The following DAB1 variants were observed in gnomAD, a reference collection of about 807,000 sequenced individuals.
DAB1 encodes the protein disabled homolog 1.
DAB1 carries 15 observed loss-of-function variants against 64.6 expected under a neutral mutation model. The ratio of observed to expected loss-of-function variants is 0.23; its 90% CI spans 0.16 to 0.36. DAB1 has a LOEUF of 0.36. Among genes scored for constraint, DAB1 ranks in the 10% least tolerant of loss-of-function variants. The pLI is 1.00. For synonymous variants in DAB1, 235 were observed against 251.9 expected (o/e 0.93, Z 0.64); for missense variants, 596 against 706.7 (o/e 0.84, Z 1.78).
At chr1:57,245,780 C>G (rs1668825076) in intron 2 of DAB1, among the ~76,000 whole-genome samples, 1 of 152,156 alleles carries the variant, frequency 6.6e-6, no homozygotes, top group African/African-American at 2.4e-5. Context: ...GATTTATAAT[C>G]CTTTGGGTAT....
chr1:57,357,483 T>A (rs1430088595), intron 1 of DAB1, among the ~76,000 whole-genome samples: 1 of 151,776 alleles, frequency 6.6e-6, no homozygotes, highest in African/African-American at 2.4e-5. Flanking sequence ...TTATCACTGA[T>A]TTATGGTTTT....
intron 7 of DAB1, among the ~76,000 whole-genome samples, chr1:57,609,071 C>T (rs1645694318): frequency 6.6e-6 from 1 of 152,146 alleles, no homozygotes; most frequent in Non-Finnish European, 1.5e-5. Flanking sequence ...CTCCCTCTGA[C>T]CTTATATCAA....
At chr1:58,266,379 G>A (rs1362568135) in intron 4 of DAB1, among the ~76,000 whole-genome samples, 2 of 152,088 alleles carry the variant, frequency 1.3e-5, no homozygotes, top group African/African-American at 2.4e-5. Flanking sequence ...TCTCCTTCAC[G>A]CTTCTCTCTG....
intron 7 of DAB1, among the ~76,000 whole-genome samples, chr1:57,452,834 A>G (rs1476926010): frequency 6.6e-6 from 1 of 151,958 alleles, no homozygotes; most frequent in Non-Finnish European, 1.5e-5. Flanking sequence ...GTAGGCACTC[A>G]GTAGATGTGG....
intron 7 of DAB1, among the ~76,000 whole-genome samples, chr1:57,550,609 G>A (rs1186117267): frequency 2.0e-5 from 3 of 147,336 alleles, no homozygotes; most frequent in African/African-American, 2.5e-5. Context: ...TATCCATCCC[G>A]CCATCCATCC....
intron 7 of DAB1, among the ~76,000 whole-genome samples, chr1:57,586,436 C>T (rs943060984): frequency 6.6e-6 from 1 of 151,526 alleles, no homozygotes; most frequent in Non-Finnish European, 1.5e-5. Flanking sequence ...ACACATTTGT[C>T]TTTTCTCTTT....
chr1:57,511,142 C>A (rs1239138687), intron 7 of DAB1, among the ~76,000 whole-genome samples: 1 of 152,018 alleles, frequency 6.6e-6, no homozygotes, highest in East Asian at 1.9e-4. Context: ...TACTCTAGAC[C>A]CTCTAAAATC....
chr1:57,465,352 A>G lies in DAB1; in HGVS notation n.626-174186T>C, dbSNP rs116112384. 4.1e-3 allele frequency among the ~76,000 whole-genome samples: 624 copies of G among 152,314 alleles called. 11 individuals are homozygous for G. Among genetic ancestry groups the G allele is most frequent in the African/African-American group, 0.014 (597 of 41,554 alleles). ...TTTGGTCATCTGTGCTAGATTTTTC[A>G]GGGCAAAAACTTTGTTTGATTTTCC... On this transcript the variant is annotated intron_variant and non_coding_transcript_variant, in intron 7 of 20. Transcript: ENST00000485760.
chr1:57,033,888 A>G (rs1647042799), intron 9 of DAB1, among the ~76,000 whole-genome samples: 1 of 152,110 alleles, frequency 6.6e-6, no homozygotes, highest in Non-Finnish European at 1.5e-5. Context: ...TACACCTGAG[A>G]TTTTTCTTTT....
At chr1:57,796,868 G>A (rs939570428) in intron 6 of DAB1, among the ~76,000 whole-genome samples, 3 of 152,126 alleles carry the variant, frequency 2.0e-5, no homozygotes, top group Non-Finnish European at 2.9e-5. Flanking sequence ...CCACATCTGC[G>A]TCATATCCTG....
chr1:57,334,612 G>A (rs1413692485), intron 1 of DAB1, among the ~76,000 whole-genome samples: 1 of 152,142 alleles, frequency 6.6e-6, no homozygotes, highest in Non-Finnish European at 1.5e-5. Flanking sequence ...TGTGAGGAAG[G>A]CGCTATTAAT....
intron 7 of DAB1, among the ~76,000 whole-genome samples, chr1:57,555,611 C>G (rs978320941): frequency 1.3e-5 from 2 of 152,128 alleles, no homozygotes; most frequent in Admixed American, 6.5e-5. Context: ...TGTGCTCACT[C>G]TGGGCTCAGA....
chr1:57,648,096 T>C (rs988343570), intron 7 of DAB1, among the ~76,000 whole-genome samples: 1 of 152,174 alleles, frequency 6.6e-6, no homozygotes, highest in Non-Finnish European at 1.5e-5. Context: ...TAATTTGTCT[T>C]CCCAAATTCA....
chr1:57,568,061 C>T (rs1291239048), intron 7 of DAB1, among the ~76,000 whole-genome samples: 1 of 152,176 alleles, frequency 6.6e-6, no homozygotes, highest in Non-Finnish European at 1.5e-5. Flanking sequence ...CAGCATGGTA[C>T]TGGTACCAAA....
intron 1 of DAB1, among the ~76,000 whole-genome samples, chr1:57,321,112 T>A (rs1675680856): frequency 6.6e-6 from 1 of 152,202 alleles, no homozygotes; most frequent in African/African-American, 2.4e-5. Context: ...GGAGTAGCAA[T>A]GTCCAGGTAT....
At chr1:57,329,503 T>C (rs1174400569) in intron 1 of DAB1, among the ~76,000 whole-genome samples, 1 of 152,006 alleles carries the variant, frequency 6.6e-6, no homozygotes, top group Non-Finnish European at 1.5e-5. Context: ...TAAACAGTAA[T>C]TCTAATTATG....
intron 1 of DAB1, among the ~76,000 whole-genome samples, chr1:57,399,346 C>T (rs1461783111): frequency 6.6e-6 from 1 of 152,156 alleles, no homozygotes; most frequent in Admixed American, 6.5e-5. Flanking sequence ...AAGACCATAA[C>T]ATGATAGATG....
At chr1:58,511,300 A>G (rs1646073018) in intron 2 of DAB1, among the ~76,000 whole-genome samples, 4 of 152,192 alleles carry the variant, frequency 2.6e-5, no homozygotes, top group Admixed American at 2.6e-4. Flanking sequence ...AACAGAAGAG[A>G]GAGCCCAAAA....
chr1:57,897,284 C>T (rs1215498481), intron 5 of DAB1, among the ~76,000 whole-genome samples: 2 of 152,070 alleles, frequency 1.3e-5, no homozygotes, highest in Non-Finnish European at 2.9e-5. Context: ...GTAATTGTTG[C>T]CCATGGGAAA....
Sources: allele counts gnomAD v4.1 joint callset (sites outside exome capture counted in the v4.1 genomes callset), GRCh38; gene constraint gnomAD v4.1.1; transcripts MANE v1.5; gene names NCBI Gene and HGNC (gene_info 2026-07-23, HGNC 2026-07-21).